The following RIMS2 variants were observed in gnomAD, a reference collection of about 807,000 sequenced individuals.
RIMS2 encodes the protein regulating synaptic membrane exocytosis 2, also known as regulating synaptic membrane exocytosis protein 2.
A neutral mutation model predicts 174.4 loss-of-function variants in RIMS2; 59 were observed. The ratio of observed to expected loss-of-function variants is 0.34; its 90% CI spans 0.27 to 0.42. The LOEUF is 0.42. Among genes scored for constraint, RIMS2 ranks in the 10% least tolerant of loss-of-function variants. The pLI is 1.00. For synonymous variants in RIMS2, 606 were observed against 572.5 expected (o/e 1.06, Z -0.84); for missense variants, 1,620 against 1,666.3 (o/e 0.97, Z 0.48).
chr8:103,505,730 C>T (rs1670064920), intron 1 of RIMS2, among the ~76,000 whole-genome samples: 1 of 152,232 alleles, frequency 6.6e-6, no homozygotes, highest in South Asian at 2.1e-4. Context: ...ACTAAGGGGA[C>T]TTTCCCACAT....
At chr8:103,565,768 G>A (rs1451173826) in intron 1 of RIMS2, among the ~76,000 whole-genome samples, 1 of 152,170 alleles carries the variant, frequency 6.6e-6, no homozygotes, top group Non-Finnish European at 1.5e-5. Flanking sequence ...GCTTAGGGAG[G>A]CCTCTGAACA....
chr8:103,761,205 T>C (rs1186185265), intron 2 of RIMS2, among the ~76,000 whole-genome samples: 1 of 152,200 alleles, frequency 6.6e-6, no homozygotes, highest in Non-Finnish European at 1.5e-5. Flanking sequence ...AAGCACACAA[T>C]TTGTTTTCAT....
At chr8:103,868,317 T>C (rs2099093499) in intron 3 of RIMS2, among the ~76,000 whole-genome samples, 1 of 152,122 alleles carries the variant, frequency 6.6e-6, no homozygotes, top group Non-Finnish European at 1.5e-5. Context: ...TTGGATTCTT[T>C]TGACTAGTCC....
intron 2 of RIMS2, among the ~76,000 whole-genome samples, chr8:103,701,514 C>T (rs915731886): frequency 4.6e-5 from 7 of 152,034 alleles, no homozygotes; most frequent in Non-Finnish European, 7.4e-5. Context: ...TAACTGAGCA[C>T]TGAACTTCTT....
At chr8:103,897,276 T>C (rs1349125449) in intron 4 of RIMS2, among the ~76,000 whole-genome samples, 1 of 151,676 alleles carries the variant, frequency 6.6e-6, no homozygotes, top group African/African-American at 2.4e-5. Flanking sequence ...TCTTCATTGC[T>C]TTCTTTCAGG....
At chr8:104,241,987 T>G (rs911232292) in intron 19 of RIMS2, among the ~76,000 whole-genome samples, 2 of 152,168 alleles carry the variant, frequency 1.3e-5, no homozygotes, top group Non-Finnish European at 2.9e-5. Context: ...CTCAAACTCC[T>G]GGCCTCAAGT....
At chr8:103,820,117 C>A (rs192213797) in intron 3 of RIMS2, among the ~76,000 whole-genome samples, 1 of 151,976 alleles carries the variant, frequency 6.6e-6, no homozygotes, top group Non-Finnish European at 1.5e-5. Context: ...ATTGTGGAAC[C>A]GCGAATAATG....
At chr8:103,513,463 A>G (rs902508972) in intron 1 of RIMS2, among the ~76,000 whole-genome samples, 1 of 152,216 alleles carries the variant, frequency 6.6e-6, no homozygotes, top group Non-Finnish European at 1.5e-5. Flanking sequence ...GTAAAGGTGT[A>G]TATACTATAA....
intron 19 of RIMS2, among the ~76,000 whole-genome samples, chr8:104,181,761 AT>A (rs2098941253): frequency 6.6e-6 from 1 of 151,696 alleles, no homozygotes; most frequent in African/African-American, 2.4e-5. Context: ...AAAAAATTTG[AT>A]TTTTATGCAG....
At position 103,964,030 on chromosome 8, in the gene RIMS2, T is replaced by C. The variant is rs149468053; in HGVS notation, c.2770+2897T>C. 4.5e-3 allele frequency among the ~76,000 whole-genome samples: 684 copies of C among 152,326 alleles called. 4 individuals are homozygous for C. Among genetic ancestry groups the C allele is most frequent in the South Asian group, 0.022 (108 of 4,828 alleles). ...CATTTATTTTTAGTGCTGAATAATATTCCATTGTCTGGATATACCACAGTT... is the reference window on the plus strand; with the variant it reads ...CATTTATTTTTAGTGCTGAATAATACTCCATTGTCTGGATATACCACAGTT... On this transcript the variant is annotated intron_variant, in intron 15 of 23. Transcript: ENST00000504942.
At chr8:104,068,717 G>A in intron 19 of RIMS2, 105 bp downstream of exon 23, 1 of 633,686 alleles carries the variant, frequency 1.6e-6, no homozygotes. Context: ...AACATATAAT[G>A]CCATGGCCCC....
At chr8:103,735,923 G>A (rs556965172) in intron 2 of RIMS2, among the ~76,000 whole-genome samples, 40 of 152,162 alleles carry the variant, frequency 2.6e-4, no homozygotes, top group Admixed American at 7.2e-4. Context: ...CCCTGGCTTT[G>A]TGCATCATCT....
At chr8:103,982,387 T>C (rs1435825893) in intron 16 of RIMS2, among the ~76,000 whole-genome samples, 1 of 150,006 alleles carries the variant, frequency 6.7e-6, no homozygotes, top group Non-Finnish European at 1.5e-5. Context: ...ACTTCCAAAC[T>C]CGTTCTACAA....
At chr8:103,919,519 A>G (rs971316411) in intron 9 of RIMS2, among the ~76,000 whole-genome samples, 1 of 151,756 alleles carries the variant, frequency 6.6e-6, no homozygotes, top group African/African-American at 2.4e-5. Context: ...TAGATTGCAA[A>G]TAGATTAAAT....
chr8:103,833,427 TTTAAC>T (rs1287999313), intron 3 of RIMS2, among the ~76,000 whole-genome samples: 1 of 152,112 alleles, frequency 6.6e-6, no homozygotes, highest in Non-Finnish European at 1.5e-5. Context: ...AATTTTAATT[TTTAAC>T]TTAATTTAAT....
chr8:104,095,620 C>T (rs1366504338), intron 19 of RIMS2, among the ~76,000 whole-genome samples: 1 of 152,004 alleles, frequency 6.6e-6, no homozygotes, highest in Non-Finnish European at 1.5e-5. Flanking sequence ...TATCCTTCTG[C>T]TTGAGGATAT....
intron 1 of RIMS2, among the ~76,000 whole-genome samples, chr8:103,634,300 T>G (rs1372853338): frequency 2.0e-5 from 3 of 152,240 alleles, no homozygotes; most frequent in African/African-American, 7.2e-5. Flanking sequence ...CAGGAGCATT[T>G]TGTTTAATTT....
At chr8:104,094,234 T>A (rs2097713954) in intron 19 of RIMS2, among the ~76,000 whole-genome samples, 1 of 152,040 alleles carries the variant, frequency 6.6e-6, no homozygotes, top group Non-Finnish European at 1.5e-5. Flanking sequence ...TCACAACTTT[T>A]ACCTTTTTTC....
chr8:104,119,937 T>A (rs373143306), intron 19 of RIMS2, among the ~76,000 whole-genome samples: 1 of 152,232 alleles, frequency 6.6e-6, no homozygotes, highest in South Asian at 2.1e-4. Flanking sequence ...GACAGTAAGC[T>A]ACTGTATTTT....
Sources: gnomAD v4.1 joint callset for allele counts (sites outside exome capture counted in the v4.1 genomes callset) on GRCh38, gnomAD v4.1.1 for gene constraint, MANE v1.5 for transcripts, NCBI Gene and HGNC (gene_info 2026-07-23, HGNC 2026-07-21) for gene names.